The following FSTL5 variants were observed in gnomAD, a reference collection of about 807,000 sequenced individuals.
The protein encoded by FSTL5 is follistatin-related protein 5.
FSTL5 carries 62 observed loss-of-function variants against 89.1 expected under a neutral mutation model. That is an observed-to-expected ratio of 0.70 (90% CI 0.57 to 0.86). FSTL5 has a LOEUF of 0.86. FSTL5 is among the 40% of genes least tolerant of loss of function. FSTL5 has a pLI of 0.00. For missense variants in FSTL5, 1,057 were observed against 1,001.6 expected (o/e 1.06, Z -0.75); for synonymous variants, 383 against 346.2 (o/e 1.11, Z -1.18).
intron 6 of FSTL5, among the ~76,000 whole-genome samples, chr4:161,679,793 C>T (rs2126707245): frequency 6.6e-6 from 1 of 151,904 alleles, no homozygotes; most frequent in African/African-American, 2.4e-5. Context: ...ATACTATGTG[C>T]TAGGTACTCT....
intron 6 of FSTL5, among the ~76,000 whole-genome samples, chr4:161,705,980 A>G (rs1477748585): frequency 1.1e-5 from 1 of 91,776 alleles, no homozygotes; most frequent in Non-Finnish European, 2.1e-5. Context: ...ATATATATAT[A>G]TATATATATA....
chr4:161,805,182 T>C (rs1044773424), intron 4 of FSTL5, among the ~76,000 whole-genome samples: 1 of 152,044 alleles, frequency 6.6e-6, no homozygotes, highest in Admixed American at 6.6e-5. Flanking sequence ...CCTGATATAA[T>C]TTTTGCATGA....
chr4:161,634,566 A>T (rs1383456275), intron 7 of FSTL5, among the ~76,000 whole-genome samples: 2 of 152,220 alleles, frequency 1.3e-5, no homozygotes, highest in Non-Finnish European at 2.9e-5. Context: ...ATCTTAAAAA[A>T]ACAGGAACAC....
chr4:161,506,328 C>CA (rs1730482644), intron 11 of FSTL5, among the ~76,000 whole-genome samples: 1 of 151,880 alleles, frequency 6.6e-6, no homozygotes, highest in South Asian at 2.1e-4. Flanking sequence ...CCTCTTCGGC[C>CA]CCCCAAATTG....
At chr4:161,726,585 T>A (rs1739426858) in intron 6 of FSTL5, among the ~76,000 whole-genome samples, 1 of 152,158 alleles carries the variant, frequency 6.6e-6, no homozygotes, top group Non-Finnish European at 1.5e-5. Flanking sequence ...ATGTGCATTA[T>A]GCACACAAAA....
intron 2 of FSTL5, among the ~76,000 whole-genome samples, chr4:162,079,456 G>A (rs942520087): frequency 1.1e-4 from 16 of 151,518 alleles, no homozygotes; most frequent in Non-Finnish European, 2.2e-4. Context: ...TCTATAAAAT[G>A]GTTATGAGCA....
chr4:161,532,791 C>A (rs1731463215), intron 10 of FSTL5, among the ~76,000 whole-genome samples: 1 of 152,126 alleles, frequency 6.6e-6, no homozygotes, highest in African/African-American at 2.4e-5. Flanking sequence ...AATATACATT[C>A]TTCTCTTTTG....
intron 4 of FSTL5, among the ~76,000 whole-genome samples, chr4:161,825,592 A>T (rs1730643153): frequency 6.6e-6 from 1 of 152,020 alleles, no homozygotes; most frequent in Non-Finnish European, 1.5e-5. Flanking sequence ...TTCAGAATTT[A>T]TATATATTCC....
At chr4:161,942,089 A>T (rs995843358) in intron 3 of FSTL5, among the ~76,000 whole-genome samples, 1 of 151,980 alleles carries the variant, frequency 6.6e-6, no homozygotes, top group Non-Finnish European at 1.5e-5. Flanking sequence ...CTTAGAGACA[A>T]AGAAAATGAA....
chr4:161,470,826 AT>A (rs1390363176), intron 13 of FSTL5, among the ~76,000 whole-genome samples: 2 of 152,076 alleles, frequency 1.3e-5, no homozygotes, highest in African/African-American at 4.8e-5. Flanking sequence ...ATCTCTACGT[AT>A]TTTACTCTTT....
intron 1 of FSTL5, among the ~76,000 whole-genome samples, chr4:162,123,903 A>G (rs549712242): frequency 5.1e-4 from 78 of 152,160 alleles, no homozygotes; most frequent in Non-Finnish European, 9.0e-4. Context: ...AAAAGAAAGC[A>G]GCAACATAGT....
At chr4:161,992,902 GTGTATA>G (rs1313228327) in intron 3 of FSTL5, among the ~76,000 whole-genome samples, 1 of 12,520 alleles carries the variant, frequency 8.0e-5, no homozygotes, top group Non-Finnish European at 2.3e-4. Flanking sequence ...ATATATGTGT[GTGTATA>G]TATATATATA....
At position 161,464,221 on chromosome 4, in the gene FSTL5, C is replaced by T. The variant is rs143601361; in HGVS notation, c.1609-4902G>A. On this transcript the variant is annotated intron_variant, in intron 13 of 15. Coordinates refer to ENST00000306100, the MANE Select transcript of FSTL5 (RefSeq NM_020116.5). ...CCTCCCCAGTCTTCTCTAGCCTTGT[C>T]GCCGACTACACTTTCCTTGATGTCT... is the stretch of plus-strand genomic sequence containing the variant. Among the ~76,000 whole-genome samples, 9 of 152,282 alleles carry T rather than the reference C, an allele frequency of 5.9e-5. No individual in the cohort carries two copies. The East Asian group carries it at 1.2e-3, about 20-fold the overall frequency.
At chr4:161,618,159 T>C (rs1734966378) in intron 7 of FSTL5, among the ~76,000 whole-genome samples, 1 of 143,620 alleles carries the variant, frequency 7.0e-6, no homozygotes, top group Admixed American at 7.1e-5. Flanking sequence ...CTTGTGATTT[T>C]TGTACATTGA....
intron 5 of FSTL5, among the ~76,000 whole-genome samples, chr4:161,762,864 G>A (rs890297997): frequency 1.3e-5 from 2 of 151,998 alleles, no homozygotes; most frequent in African/African-American, 4.8e-5. Context: ...CCCTCCAATG[G>A]TTTGGTTCAG....
intron 3 of FSTL5, among the ~76,000 whole-genome samples, chr4:162,027,111 T>C (rs145207859): frequency 3.4e-3 from 525 of 152,262 alleles, no homozygotes; most frequent in Non-Finnish European, 6.0e-3. Context: ...CTCTTCTGGT[T>C]GATGAAAATG....
chr4:161,716,222 T>TG (rs2126745263), intron 6 of FSTL5, among the ~76,000 whole-genome samples: 1 of 152,200 alleles, frequency 6.6e-6, no homozygotes, highest in East Asian at 1.9e-4. Flanking sequence ...ACATCCTAGA[T>TG]GTGTGCATGG....
intron 15 of FSTL5, among the ~76,000 whole-genome samples, chr4:161,393,997 C>T (rs1224012088): frequency 1.3e-5 from 2 of 152,146 alleles, no homozygotes; most frequent in Non-Finnish European, 2.9e-5. Flanking sequence ...AAACGCAAAA[C>T]AGCAGTCACA....
chr4:161,655,440 A>T (rs1320590641), intron 7 of FSTL5, among the ~76,000 whole-genome samples: 1 of 152,138 alleles, frequency 6.6e-6, no homozygotes, highest in Non-Finnish European at 1.5e-5. Flanking sequence ...ACATTCTTGT[A>T]CTTACTGTAA....
Sources: gnomAD v4.1 joint callset for allele counts (sites outside exome capture counted in the v4.1 genomes callset) on GRCh38, gnomAD v4.1.1 for gene constraint, MANE v1.5 for transcripts, NCBI Gene and HGNC (gene_info 2026-07-23, HGNC 2026-07-21) for gene names.